Variants in WNT3 observed in about 807,000 individuals in gnomAD.
WNT3 encodes Wnt family member 3, also known as proto-oncogene Wnt-3.
WNT3 carries 7 observed loss-of-function variants against 34.2 expected under a neutral mutation model. The observed-to-expected ratio is 0.20, with a 90% CI of 0.12 to 0.38. The LOEUF (loss-of-function observed/expected upper bound fraction) is 0.38, where lower values mean the gene tolerates loss of function less well. Ranked by LOEUF, WNT3 falls within the 10% of genes least tolerant of loss-of-function variation. The probability of loss-of-function intolerance (pLI) is 1.00; values close to 1 mark genes in which losing one functional copy is unlikely to be tolerated. For synonymous variants in WNT3, 212 were observed against 211.5 expected, an observed-to-expected ratio of 1.00 and a Z score of -0.02; for missense variants, 267 against 499.8, an observed-to-expected ratio of 0.53 and a Z score of 4.44.
At chr17:46,769,737 CGG>C in intron 3 of WNT3, 44 bp downstream of exon 3, 1 of 1,600,740 alleles carries the variant, frequency 6.2e-7, no homozygotes, top group South Asian at 1.1e-5. Context: ...GGAGGGGAAG[CGG>C]GGGGCTGCTC....
At chr17:46,816,135 A>T (rs972958986) in intron 1 of WNT3, among the ~76,000 whole-genome samples, 3 of 53,762 alleles carry the variant, frequency 5.6e-5, no homozygotes, top group African/African-American at 1.9e-4. Context: ...ACACACTCAC[A>T]CACACGCACG....
At chr17:46,793,466 C>G (rs970152169) in intron 1 of WNT3, among the ~76,000 whole-genome samples, 1 of 151,956 alleles carries the variant, frequency 6.6e-6, no homozygotes, top group South Asian at 2.1e-4. Flanking sequence ...AGTCTTTTTT[C>G]TTTCGAATGT....
chr17:46,818,436 G>A (rs2146480114), intron 1 of WNT3, 82 bp downstream of exon 1: 9 of 1,401,726 alleles, frequency 6.4e-6, no homozygotes, highest in Non-Finnish European at 8.9e-6. Flanking sequence ...GCCCTGCAGC[G>A]GCCCACCCCC....
chr17:46,785,592 G>A (rs185127144), intron 1 of WNT3, among the ~76,000 whole-genome samples: 21 of 152,310 alleles, frequency 1.4e-4, no homozygotes, highest in African/African-American at 4.3e-4. Flanking sequence ...CCTTCTGCCC[G>A]CAGCTTCTGA....
At chr17:46,788,984 C>T (rs2146418306) in intron 1 of WNT3, among the ~76,000 whole-genome samples, 1 of 152,372 alleles carries the variant, frequency 6.6e-6, no homozygotes, top group East Asian at 1.9e-4. Flanking sequence ...CAAAGCTGTG[C>T]TGCTTGGCTG....
intron 1 of WNT3, among the ~76,000 whole-genome samples, chr17:46,800,569 C>T (rs752252110): frequency 3.3e-5 from 5 of 152,216 alleles, no homozygotes; most frequent in Non-Finnish European, 5.9e-5. Flanking sequence ...TCTGAGAATA[C>T]AGGAAAATAC....
chr17:46,797,668 C>G (rs931446067), intron 1 of WNT3, among the ~76,000 whole-genome samples: 2 of 152,202 alleles, frequency 1.3e-5, no homozygotes, highest in Non-Finnish European at 2.9e-5. Context: ...GAACACCTTT[C>G]CCTGCTGTGC....
At chr17:46,816,119 A>ACACACGCACG (rs11281201) in intron 1 of WNT3, among the ~76,000 whole-genome samples, 19,815 of 150,598 alleles carry the variant, frequency 0.13, 1,393 homozygotes, top group African/African-American at 0.15. Context: ...ACGTACACAC[A>ACACACGCACG]CACACACACA....
At position 46,770,139 on chromosome 17, in the gene WNT3, C is replaced by T. The variant is rs1022618398; in HGVS notation, c.323-91G>A. 14 of 1,444,060 alleles carry T rather than the reference C, an allele frequency of 9.7e-6. No homozygotes were observed. In the South Asian group the frequency reaches 1.1e-4, roughly 12 times the overall value. The allele number at this position is 1,444,060 out of a possible 1,614,324, so 89.5% of individuals were successfully genotyped here. A position where few individuals can be genotyped will look rare whatever the true frequency, so the allele number is the denominator to read the frequency against. On this transcript the variant is annotated intron_variant, in intron 2 of 4. Transcript: ENST00000225512. ...CTCCCAGGCCAGGACGTGAGGGGAA[C>T]GAGGCCAGGAAGAGTTGAAGAGCTC...
chr17:46,769,600 G>C (rs1032887085), intron 3 of WNT3, among the ~76,000 whole-genome samples, 183 bp downstream of exon 3: 1 of 152,176 alleles, frequency 6.6e-6, no homozygotes, highest in African/African-American at 2.4e-5. Context: ...AACTGCCCAA[G>C]GAGGAAGGAG....
rs369938446 is a variant in WNT3 at position 46,769,843 on chromosome 17, G to T, written c.528C>A (p.Arg176=). The T allele has an allele frequency of 6.8e-6, 11 of 1,613,244 alleles. No homozygotes were observed. The highest frequency in any genetic ancestry group is 2.7e-5 in the African/African-American group (2 of 74,932). ...CCGAGCGCGCGTCCGGCCTGTTCTCGCGCGCATCCGCGAACTCCCTGGACA... is the reference window on the plus strand; with the variant it reads ...CCGAGCGCGCGTCCGGCCTGTTCTCTCGCGCATCCGCGAACTCCCTGGACA... ...VLVSREFADA[R]ENRPDARSAM... Residue 176 remains arginine, a synonymous_variant, in exon 3 of 5, where the codon CGC becomes CGA. Coordinates refer to ENST00000225512, the MANE Select transcript of WNT3 (RefSeq NM_030753.5).
chr17:46,771,938 C>T (rs2059377512), intron 2 of WNT3, among the ~76,000 whole-genome samples: 4 of 146,558 alleles, frequency 2.7e-5, no homozygotes, highest in African/African-American at 9.9e-5. Flanking sequence ...CGCCGCGCCG[C>T]CGCCGCGCCT....
chr17:46,796,083 C>T (rs1314554542), intron 1 of WNT3, among the ~76,000 whole-genome samples: 6 of 152,212 alleles, frequency 3.9e-5, no homozygotes, highest in Admixed American at 6.5e-5. Context: ...GCACCCTCCA[C>T]GCCTGCAGGC....
chr17:46,785,518 G>A (rs1226749754), intron 1 of WNT3, among the ~76,000 whole-genome samples: 4 of 152,228 alleles, frequency 2.6e-5, no homozygotes, highest in Admixed American at 2.6e-4. Flanking sequence ...AGGAGCCCCG[G>A]AAACTCACTA....
chr17:46,796,699 C>T (rs118184955), intron 1 of WNT3, among the ~76,000 whole-genome samples: 1,623 of 152,308 alleles, frequency 0.011, 15 homozygotes, highest in Admixed American at 0.019. Flanking sequence ...AGCCAGACAG[C>T]CCGGGTGTCC....
At chr17:46,776,674 G>A (rs1425023474) in intron 1 of WNT3, among the ~76,000 whole-genome samples, 1 of 152,100 alleles carries the variant, frequency 6.6e-6, no homozygotes, top group Non-Finnish European at 1.5e-5. Flanking sequence ...TCACTGGAGG[G>A]GAAACTGAGG....
At chr17:46,806,925 T>A (rs572692939) in intron 1 of WNT3, among the ~76,000 whole-genome samples, 1 of 152,132 alleles carries the variant, frequency 6.6e-6, no homozygotes, top group South Asian at 2.1e-4. Flanking sequence ...AGAGGGTGGG[T>A]GCTACCTGGG....
At chr17:46,792,184 G>T (rs555939759) in intron 1 of WNT3, among the ~76,000 whole-genome samples, 1 of 152,220 alleles carries the variant, frequency 6.6e-6, no homozygotes, top group Non-Finnish European at 1.5e-5. Flanking sequence ...CCCAGTTAAG[G>T]TTCCCCCAGG....
chr17:46,808,377 G>A (rs1416135692), intron 1 of WNT3, among the ~76,000 whole-genome samples: 1 of 152,248 alleles, frequency 6.6e-6, no homozygotes, highest in Admixed American at 6.5e-5. Flanking sequence ...CAGCCTTTGA[G>A]TGGAAGGTCA....
Sources: allele counts gnomAD v4.1 joint callset (sites outside exome capture counted in the v4.1 genomes callset), GRCh38; gene constraint gnomAD v4.1.1; transcripts MANE v1.5; gene names NCBI Gene and HGNC (gene_info 2026-07-23, HGNC 2026-07-21).